FHIT: variants seen among roughly 807,000 people sequenced by gnomAD.
FHIT encodes the protein bis(5'-adenosyl)-triphosphatase.
FHIT carries 19 observed loss-of-function variants against 17.9 expected under a neutral mutation model. The observed-to-expected ratio is 1.06, with a 90% CI of 0.74 to 1.56. The LOEUF (loss-of-function observed/expected upper bound fraction) is 1.56. FHIT is among the 40% of genes most tolerant of loss of function. The pLI is 0.00. For synonymous variants in FHIT, 81 were observed against 69.7 expected (o/e 1.16, Z -0.81); for missense variants, 248 against 189.2 (o/e 1.31, Z -1.82).
At chr3:60,245,225 A>T (rs903646878) in intron 5 of FHIT, among the ~76,000 whole-genome samples, 2 of 152,090 alleles carry the variant, frequency 1.3e-5, no homozygotes, top group African/African-American at 4.8e-5. Flanking sequence ...AATTATCTGT[A>T]TGTTGGCCCA....
intron 3 of FHIT, among the ~76,000 whole-genome samples, chr3:60,851,826 GTC>G (rs1342720402): frequency 6.6e-6 from 1 of 152,072 alleles, no homozygotes; most frequent in Admixed American, 6.6e-5. Context: ...CCAGTACTGA[GTC>G]TTTCTATGGT....
At chr3:61,174,392 G>C (rs1576151456) in intron 2 of FHIT, among the ~76,000 whole-genome samples, 1 of 152,168 alleles carries the variant, frequency 6.6e-6, no homozygotes, top group East Asian at 1.9e-4. Context: ...TAATTTATGT[G>C]AGTAAGCATA....
At chr3:59,912,074 T>C (rs1704905841) in intron 8 of FHIT, among the ~76,000 whole-genome samples, 1 of 152,134 alleles carries the variant, frequency 6.6e-6, no homozygotes, top group Non-Finnish European at 1.5e-5. Flanking sequence ...AGTCTGCCTA[T>C]GCCTCCGTTT....
chr3:60,587,564 A>G (rs782060186), intron 4 of FHIT, among the ~76,000 whole-genome samples: 1 of 152,030 alleles, frequency 6.6e-6, no homozygotes, highest in Non-Finnish European at 1.5e-5. Context: ...CCTGATATTC[A>G]CCGGGATAAA....
intron 8 of FHIT, among the ~76,000 whole-genome samples, chr3:59,799,287 C>T (rs991625067): frequency 6.6e-6 from 1 of 152,124 alleles, no homozygotes; most frequent in African/African-American, 2.4e-5. Flanking sequence ...TTTGTTTGAC[C>T]TCCCTGAGTT....
intron 4 of FHIT, among the ~76,000 whole-genome samples, chr3:60,733,612 C>T (rs1200197718): frequency 6.6e-6 from 1 of 152,160 alleles, no homozygotes; most frequent in Non-Finnish European, 1.5e-5. Flanking sequence ...GCTGAAGAAA[C>T]TATTTCTCCA....
chr3:59,985,544 A>T (rs938823151), intron 7 of FHIT, among the ~76,000 whole-genome samples: 2 of 152,172 alleles, frequency 1.3e-5, no homozygotes, highest in Non-Finnish European at 2.9e-5. Flanking sequence ...GAATTTGCTA[A>T]AAGGTAATTT....
At chr3:60,040,882 A>G (rs560001204) in intron 5 of FHIT, among the ~76,000 whole-genome samples, 2 of 152,224 alleles carry the variant, frequency 1.3e-5, no homozygotes, top group South Asian at 2.1e-4. Flanking sequence ...TGGCTGATCT[A>G]TACTTCTTGA....
At chr3:60,018,176 A>G (rs955483996) in intron 5 of FHIT, among the ~76,000 whole-genome samples, 3 of 152,148 alleles carry the variant, frequency 2.0e-5, no homozygotes, top group African/African-American at 7.2e-5. Context: ...CAGAGATCAT[A>G]TGGTGAGAAA....
At chr3:61,216,293 A>T (rs1043010352) in intron 1 of FHIT, among the ~76,000 whole-genome samples, 3 of 152,244 alleles carry the variant, frequency 2.0e-5, no homozygotes, top group Non-Finnish European at 4.4e-5. Context: ...AAATAAATTT[A>T]CAAGACAAAA....
At chr3:60,367,609 A>C (rs563540031) in intron 5 of FHIT, among the ~76,000 whole-genome samples, 47 of 152,332 alleles carry the variant, frequency 3.1e-4, no homozygotes, top group Non-Finnish European at 6.0e-4. Flanking sequence ...TTTATTATGC[A>C]AAGTCATAAT....
intron 3 of FHIT, among the ~76,000 whole-genome samples, chr3:60,875,745 GATT>G (rs1704619950): frequency 6.6e-6 from 1 of 151,972 alleles, no homozygotes; most frequent in Non-Finnish European, 1.5e-5. Context: ...CTACATAGTA[GATT>G]ATGATCATTA....
intron 5 of FHIT, among the ~76,000 whole-genome samples, chr3:60,302,413 T>C (rs1455097045): frequency 2.0e-5 from 3 of 152,084 alleles, no homozygotes; most frequent in Non-Finnish European, 4.4e-5. Flanking sequence ...TTAGGGCCTC[T>C]GACATTTATC....
chr3:60,265,858 G>A (rs535245602), intron 5 of FHIT, among the ~76,000 whole-genome samples: 145 of 151,800 alleles, frequency 9.6e-4, no homozygotes, highest in Non-Finnish European at 1.7e-3. Context: ...GAGAAATGGT[G>A]ATCTAAACAC....
chr3:60,563,393 T>A (rs1344792074), intron 4 of FHIT, among the ~76,000 whole-genome samples: 1 of 152,200 alleles, frequency 6.6e-6, no homozygotes, highest in Non-Finnish European at 1.5e-5. Context: ...GACCAACTAA[T>A]AACCCTACAA....
chr3:60,620,338 C>T (rs1298549735), intron 4 of FHIT, among the ~76,000 whole-genome samples: 1 of 152,164 alleles, frequency 6.6e-6, no homozygotes, highest in Non-Finnish European at 1.5e-5. Context: ...ACACAAAAAC[C>T]TGCACACAGA....
At chr3:59,750,316 C>A (rs1700824102) in intron 9 of FHIT, 1 of 225,216 alleles carries the variant, frequency 4.4e-6, no homozygotes, top group South Asian at 1.8e-4. Context: ...CTGAAAATAC[C>A]CACTGCATAG....
At chr3:61,158,664 A>G (rs2037601731) in intron 2 of FHIT, among the ~76,000 whole-genome samples, 1 of 152,218 alleles carries the variant, frequency 6.6e-6, no homozygotes, top group African/African-American at 2.4e-5. Context: ...CTTTATATTC[A>G]GTGACATTTG....
At chr3:60,056,867 C>T (rs1363311075) in intron 5 of FHIT, among the ~76,000 whole-genome samples, 1 of 152,194 alleles carries the variant, frequency 6.6e-6, no homozygotes, top group Admixed American at 6.5e-5. Flanking sequence ...CCTTTCATGA[C>T]ATCAATCAGA....
Sources: allele counts gnomAD v4.1 joint callset (sites outside exome capture counted in the v4.1 genomes callset), GRCh38; gene constraint gnomAD v4.1.1; transcripts MANE v1.5; gene names NCBI Gene and HGNC (gene_info 2026-07-23, HGNC 2026-07-21).